Variants in SOX6 observed in about 807,000 individuals in gnomAD.
The protein encoded by SOX6 is SRY-box transcription factor 6, also known as transcription factor SOX-6.
SOX6 carries 11 observed loss-of-function variants against 97.8 expected under a neutral mutation model. That is an observed-to-expected ratio of 0.11 (90% confidence interval 0.07 to 0.19). The LOEUF (loss-of-function observed/expected upper bound fraction) is 0.19. Ranked by LOEUF, SOX6 falls within the 10% of genes least tolerant of loss-of-function variation. SOX6 has a pLI of 1.00. For synonymous variants in SOX6, 360 were observed against 371.4 expected, an observed-to-expected ratio of 0.97 and a Z score of 0.35; for missense variants, 810 against 1,039.5, an observed-to-expected ratio of 0.78 and a Z score of 3.04.
chr11:16,570,836 A>G (rs1201311008), intron 4 of SOX6, among the ~76,000 whole-genome samples: 1 of 152,178 alleles, frequency 6.6e-6, no homozygotes, highest in African/African-American at 2.4e-5. Context: ...CTGTTTGTAG[A>G]TTGACAATTT....
intron 4 of SOX6, among the ~76,000 whole-genome samples, chr11:16,525,455 T>A (rs36160239): frequency 0.15 from 22,585 of 151,856 alleles, 1,737 homozygotes; most frequent in Non-Finnish European, 0.16. Flanking sequence ...TTGGATCCCT[T>A]CCTTACACCT....
intron 4 of SOX6, among the ~76,000 whole-genome samples, chr11:16,483,672 G>GA (rs34412118): frequency 0.22 from 33,291 of 151,788 alleles, 4,160 homozygotes; most frequent in East Asian, 0.51. Context: ...CATTTGCAAT[G>GA]AAAAAAATGA....
intron 3 of SOX6, among the ~76,000 whole-genome samples, chr11:16,245,146 T>G (rs1415363917): frequency 6.6e-6 from 1 of 151,796 alleles, no homozygotes; most frequent in Non-Finnish European, 1.5e-5. Context: ...TCATTATCAT[T>G]TAGTTTAAAA....
chr11:16,355,146 T>C (rs953494138), intron 1 of SOX6, among the ~76,000 whole-genome samples: 1 of 152,054 alleles, frequency 6.6e-6, no homozygotes, highest in Non-Finnish European at 1.5e-5. Flanking sequence ...CACTATTCCA[T>C]GTGTAGTTTG....
chr11:16,111,336 C>A (rs1395612003), intron 7 of SOX6, among the ~76,000 whole-genome samples: 1 of 152,078 alleles, frequency 6.6e-6, no homozygotes, highest in African/African-American at 2.4e-5. Flanking sequence ...AGATGAAAAT[C>A]AAAAACAATT....
At chr11:16,170,009 T>A (rs1397349091) in intron 6 of SOX6, among the ~76,000 whole-genome samples, 1 of 152,114 alleles carries the variant, frequency 6.6e-6, no homozygotes, top group African/African-American at 2.4e-5. Flanking sequence ...CGTGAGTAAT[T>A]AGCCTTTTAG....
At chr11:16,301,627 A>G (rs1855259941) in intron 3 of SOX6, among the ~76,000 whole-genome samples, 1 of 152,178 alleles carries the variant, frequency 6.6e-6, no homozygotes, top group Non-Finnish European at 1.5e-5. Context: ...CAGATAAGCT[A>G]CACATGACTC....
intron 1 of SOX6, among the ~76,000 whole-genome samples, chr11:16,342,712 G>C (rs1468177076): frequency 6.6e-6 from 1 of 151,898 alleles, no homozygotes; most frequent in African/African-American, 2.4e-5. Context: ...AACAGCTAAT[G>C]CTAAATTTCT....
Position 16,055,746 on chromosome 11 carries a change from G to A in SOX6, c.1251+6C>T, listed in dbSNP as rs770840100. The stretch of plus-strand genomic sequence containing the variant: ...CTGTTTCCACAATGCTGCAAGGCGA[G>A]TGTACCTTAACTTGAGTTACAGGGC... On this transcript the variant is annotated splice_donor_region_variant and intron_variant, in intron 10 of 15. Coordinates refer to ENST00000683767, the MANE Select transcript of SOX6 (RefSeq NM_001367873.1). 1.2e-6 allele frequency: 2 copies of A among 1,613,540 alleles called. No individual in the cohort carries two copies. The highest frequency in any genetic ancestry group is 2.2e-5 in the South Asian group (2 of 91,072).
chr11:16,410,674 A>C (rs111431552), intron 1 of SOX6, among the ~76,000 whole-genome samples: 14 of 149,270 alleles, frequency 9.4e-5, no homozygotes, highest in African/African-American at 1.5e-4. Context: ...TTGGAGAATC[A>C]CTTGGGCCTG....
chr11:16,321,338 T>A (rs1855920135), intron 2 of SOX6, among the ~76,000 whole-genome samples: 1 of 151,796 alleles, frequency 6.6e-6, no homozygotes, highest in Non-Finnish European at 1.5e-5. Context: ...TGGAAGTGGT[T>A]ACCTACAAAT....
rs1181786326 is a variant in SOX6 at position 16,607,887 on chromosome 11, C to T, written n.609+4194G>A. ...GCAGAGAAGCTGGGAGGGAGGAGGG[C>T]GGGCCGGGGGAAGAAGGAGGGGAGA... On this transcript the variant is annotated intron_variant and non_coding_transcript_variant, in intron 4 of 5. Transcript: ENST00000524520. This position sits in a 1 kb window ranked among gnomAD's most constrained non-coding sequence, Gnocchi z 6.5. Among the ~76,000 whole-genome samples the T allele has an allele frequency of 6.7e-6, 1 of 149,874 alleles. No homozygotes were observed. Among genetic ancestry groups the T allele is most frequent in the African/African-American group, 2.5e-5 (1 of 40,554 alleles).
intron 4 of SOX6, among the ~76,000 whole-genome samples, chr11:16,552,562 T>C (rs960493756): frequency 2.0e-5 from 3 of 152,208 alleles, no homozygotes; most frequent in Admixed American, 6.6e-5. Context: ...AATTAGAGCC[T>C]TCCACAAATG....
intron 12 of SOX6, 58 bp downstream of exon 12, chr11:16,046,456 C>G: frequency 6.3e-7 from 1 of 1,588,832 alleles, no homozygotes; most frequent in Non-Finnish European, 8.6e-7. Flanking sequence ...TGGAAAGAAC[C>G]AGATGAGAGT....
intron 12 of SOX6, among the ~76,000 whole-genome samples, chr11:16,024,678 C>A (rs897438938): frequency 6.6e-6 from 1 of 151,880 alleles, no homozygotes; most frequent in Non-Finnish European, 1.5e-5. Flanking sequence ...TGCCACTGGA[C>A]CATAAGCATT....
At chr11:16,176,961 A>T (rs1438162921) in intron 6 of SOX6, among the ~76,000 whole-genome samples, 1 of 151,924 alleles carries the variant, frequency 6.6e-6, no homozygotes, top group Non-Finnish European at 1.5e-5. Flanking sequence ...GCTTTGGACT[A>T]GATTAAGCAT....
At chr11:16,158,353 C>T (rs1850656008) in intron 6 of SOX6, among the ~76,000 whole-genome samples, 1 of 151,876 alleles carries the variant, frequency 6.6e-6, no homozygotes, top group African/African-American at 2.4e-5. Context: ...GTATGACTCC[C>T]AGGTACAACT....
chr11:16,135,837 A>G (rs1458477959), intron 6 of SOX6, among the ~76,000 whole-genome samples: 1 of 152,214 alleles, frequency 6.6e-6, no homozygotes, highest in Non-Finnish European at 1.5e-5. Flanking sequence ...ACGTTATCAA[A>G]TAGCATTACA....
Position 16,291,229 on chromosome 11 carries a change from TTATATATATATATATATATATATATA to T in SOX6, c.445+27191_445+27216del, listed in dbSNP as rs10529279. On this transcript the variant is annotated intron_variant, in intron 3 of 15. Transcript: ENST00000683767. ...AACTTCCTCTCATTTTTCTATAAATTTATATATATATATATATATATATATATATATATATATATATATATATACGA... is the reference window on the plus strand; with the variant it reads ...AACTTCCTCTCATTTTTCTATAAATTTATATATATATATATATATATACGA... Among the ~76,000 whole-genome samples the T allele has an allele frequency of 2.6e-3, 376 of 143,612 alleles. 1 individual carries two copies. Among genetic ancestry groups the T allele is most frequent in the African/African-American group, 3.7e-3 (138 of 37,800 alleles). 94.2% of individuals were successfully genotyped at this position (143,612 alleles called of 152,430 possible). A position where few individuals can be genotyped will look rare whatever the true frequency, so the allele number is the denominator to read the frequency against.
Sources: allele counts gnomAD v4.1 joint callset (sites outside exome capture counted in the v4.1 genomes callset), GRCh38; gene constraint gnomAD v4.1.1; non-coding constraint Gnocchi (gnomAD v3.1); transcripts MANE v1.5; gene names NCBI Gene and HGNC (gene_info 2026-07-23, HGNC 2026-07-21).